UMODL1: variants seen among roughly 807,000 people sequenced by gnomAD.
UMODL1 encodes uromodulin like 1, also known as uromodulin-like 1.
UMODL1 carries 128 observed loss-of-function variants against 136.3 expected under a neutral mutation model. The ratio of observed to expected loss-of-function variants is 0.94; its 90% CI spans 0.81 to 1.09. The LOEUF is 1.09. UMODL1 is among the 50% of genes least tolerant of loss of function. UMODL1 has a pLI of 0.00. For missense variants in UMODL1, 1,766 were observed against 1,725.6 expected (o/e 1.02, Z -0.41); for synonymous variants, 721 against 720.0 (o/e 1.00, Z -0.02).
intron 1 of UMODL1, among the ~76,000 whole-genome samples, chr21:42,065,980 G>T (rs370743067): frequency 6.6e-6 from 1 of 152,158 alleles, no homozygotes; most frequent in Non-Finnish European, 1.5e-5. Flanking sequence ...ACTTGCATTC[G>T]CTCTTTTACA....
At chr21:42,110,295 GGACACAGGCGTGGCAGAGGCGCCCA>G (rs2066802012) in intron 10 of UMODL1, among the ~76,000 whole-genome samples, 1 of 152,202 alleles carries the variant, frequency 6.6e-6, no homozygotes, top group East Asian at 1.9e-4. Flanking sequence ...ATGTCGGCCC[GGACACAGGCGTGGCAGAGGCGCCCA>G]GCCACTGGCT....
intron 14 of UMODL1, 33 bp from the exon 15 acceptor site, chr21:42,119,078 G>A (rs1300121513): frequency 6.2e-7 from 1 of 1,600,896 alleles, no homozygotes; most frequent in Admixed American, 1.7e-5. Flanking sequence ...CTCTCAGCGT[G>A]GGGACCTCCT....
intron 1 of UMODL1, among the ~76,000 whole-genome samples, chr21:42,073,022 G>A (rs1173232175): frequency 1.3e-5 from 2 of 150,340 alleles, no homozygotes; most frequent in African/African-American, 4.8e-5. Context: ...GTGTGTGTGT[G>A]CGCGCGCGCG....
In UMODL1 at chr21:42,086,524, T is replaced by C. The variant is rs1352752367; in HGVS notation, c.603+1112T>C. On this transcript the variant is annotated intron_variant, in intron 4 of 22. Transcript: ENST00000408910. ...CGGGCTAGGAGTGATTCCTGTTTCCTCTTAGCTTGTTAAGGGGACTGCCCA... is the reference window on the plus strand; with the variant it reads ...CGGGCTAGGAGTGATTCCTGTTTCCCCTTAGCTTGTTAAGGGGACTGCCCA... The C allele has an allele frequency of 1.3e-5, 6 of 455,824 alleles. No individual in the cohort carries two copies. The Admixed American group carries it at 1.4e-4, about 11-fold the overall frequency. 28.2% of individuals were successfully genotyped at this position (455,824 alleles called of 1,614,324 possible).
chr21:42,107,469 C>T (rs757835046), intron 9 of UMODL1, among the ~76,000 whole-genome samples: 4 of 152,178 alleles, frequency 2.6e-5, no homozygotes, highest in African/African-American at 7.2e-5. Flanking sequence ...AGAGAAGGGC[C>T]GTGAGTGAGG....
At chr21:42,103,756 G>T (rs1416955966) in intron 8 of UMODL1, 112 bp from the exon 9 acceptor site, 1 of 1,279,744 alleles carries the variant, frequency 7.8e-7, no homozygotes, top group Admixed American at 1.8e-5. Context: ...GCCTCCTCTT[G>T]ATTGTAGAGG....
At chr21:42,092,659 C>T (rs765318672) in intron 6 of UMODL1, among the ~76,000 whole-genome samples, 10 of 152,206 alleles carry the variant, frequency 6.6e-5, no homozygotes, top group Non-Finnish European at 1.5e-4. Context: ...AATTTGAATT[C>T]GTTAATCATT....
Position 42,076,112 on chromosome 21 carries a change from G to T in UMODL1, c.184G>T (p.Gly62Cys). The change falls in exon 2 of 23, where the codon GGC becomes TGC. Residue 62 changes from glycine (G) to cysteine (C), a missense_variant. Gly to Cys is a radical substitution (Grantham distance 159, BLOSUM62 -3). Coordinates refer to ENST00000408910, the MANE Select transcript of UMODL1 (RefSeq NM_001004416.3). Reference protein sequence around the residue: ...QTSYTSYVSCGGWIPWRRCPK... With the variant: ...QTSYTSYVSCCGWIPWRRCPK... ...GTCCTACACGTCCTATGTGTCCTGC[G>T]GCGGCTGGATCCCCTGGAGGCGGTG... is the stretch of plus-strand genomic sequence containing the variant. 1.1e-5 allele frequency: 17 copies of T among 1,614,242 alleles called. No homozygotes were observed. Among genetic ancestry groups the T allele is most frequent in the Non-Finnish European group, 1.4e-5 (16 of 1,180,044 alleles).
intron 13 of UMODL1, among the ~76,000 whole-genome samples, chr21:42,114,575 C>A (rs1413503671): frequency 6.6e-6 from 1 of 151,416 alleles, no homozygotes; most frequent in Non-Finnish European, 1.5e-5. Context: ...GCATTGATAG[C>A]AGTGGTCTGC....
intron 6 of UMODL1, among the ~76,000 whole-genome samples, chr21:42,095,428 T>C (rs950615426): frequency 1.3e-5 from 2 of 152,110 alleles, no homozygotes; most frequent in Admixed American, 1.3e-4. Flanking sequence ...TCTTTGTTTT[T>C]TCTCTATTCC....
intron 21 of UMODL1, among the ~76,000 whole-genome samples, chr21:42,130,221 C>CGTGTGT (rs112746788): frequency 0.21 from 31,215 of 150,450 alleles, 3,975 homozygotes; most frequent in Non-Finnish European, 0.3. Flanking sequence ...GCCATGTCAA[C>CGTGTGT]GTGTGTGTGT....
intron 4 of UMODL1, among the ~76,000 whole-genome samples, chr21:42,086,057 C>T (rs1040688297): frequency 4.6e-5 from 7 of 152,224 alleles, no homozygotes; most frequent in Non-Finnish European, 8.8e-5. Flanking sequence ...AGGATGTCTT[C>T]TCCAGCTCAG....
chr21:42,109,101 A>C (rs2066776530), intron 9 of UMODL1, among the ~76,000 whole-genome samples: 1 of 129,846 alleles, frequency 7.7e-6, no homozygotes, highest in Non-Finnish European at 1.6e-5. Flanking sequence ...CCGGCGTGGA[A>C]AGCTGGTGTT....
intron 6 of UMODL1, among the ~76,000 whole-genome samples, chr21:42,091,161 T>TCA (rs1368839715): frequency 6.6e-6 from 1 of 152,234 alleles, no homozygotes; most frequent in African/African-American, 2.4e-5. Flanking sequence ...TAGGTGCTAT[T>TCA]CACTGTGCTA....
intron 2 of UMODL1, among the ~76,000 whole-genome samples, chr21:42,077,848 C>T (rs1034489760): frequency 2.0e-5 from 3 of 152,146 alleles, no homozygotes; most frequent in Admixed American, 6.5e-5. Flanking sequence ...CAGAATGGAG[C>T]GTGGACTCCG....
At position 42,126,420 on chromosome 21, in the gene UMODL1, A is replaced by G. The variant is rs907086810; in HGVS notation, c.3223A>G (p.Ile1075Val). The G allele has an allele frequency of 6.2e-7, 1 of 1,614,204 alleles. No homozygotes were observed. Among genetic ancestry groups the G allele is most frequent in the Admixed American group, 1.7e-5 (1 of 60,030 alleles). ...GGAGGGCATCATCCACCACCTGAAG[A>G]TCCTGAGCCCCATCTACTGCGCCTT... ...SQEGIIHHLKILSPIYCAFQN... is the reference protein window; with the variant it reads ...SQEGIIHHLKVLSPIYCAFQN... The change falls in exon 18 of 23, where the codon ATC becomes GTC. Residue 1075 changes from isoleucine (I) to valine (V), a missense_variant. By Grantham distance (29) the Ile-to-Val change is conservative (BLOSUM62 3). Coordinates refer to ENST00000408910, the MANE Select transcript of UMODL1 (RefSeq NM_001004416.3).
chr21:42,078,862 A>T (rs2066326669), intron 2 of UMODL1, among the ~76,000 whole-genome samples: 1 of 152,120 alleles, frequency 6.6e-6, no homozygotes, highest in South Asian at 2.1e-4. Context: ...GTCTAAGGAG[A>T]CCCTTCCTGT....
chr21:42,108,615 A>C lies in UMODL1; in HGVS notation c.1520-947A>C, dbSNP rs113910730. 3.7e-3 allele frequency: 1,234 copies of C among 336,330 alleles called. 7 individuals are homozygous for C. The highest frequency in any genetic ancestry group is 0.015 in the African/African-American group (702 of 46,576). 20.8% of individuals were successfully genotyped at this position (336,330 alleles called of 1,614,324 possible). ...GCCGGGTGTGGGTTCGTTCCCGAGC[A>C]CCTCCACCCGCAGCTCTACAGAAGC... On this transcript the variant is annotated intron_variant, in intron 9 of 22. Coordinates refer to ENST00000408910, the MANE Select transcript of UMODL1 (RefSeq NM_001004416.3).
upstream of UMODL1, among the ~76,000 whole-genome samples, chr21:42,070,136 C>G (rs1377256024): frequency 6.6e-6 from 1 of 152,170 alleles, no homozygotes; most frequent in Non-Finnish European, 1.5e-5. Flanking sequence ...GAGGTAGCAA[C>G]GTTGGTGCGG....
Sources: gnomAD v4.1 joint callset for allele counts (sites outside exome capture counted in the v4.1 genomes callset) on GRCh38, gnomAD v4.1.1 for gene constraint, MANE v1.5 for transcripts, NCBI Gene and HGNC (gene_info 2026-07-23, HGNC 2026-07-21) for gene names.